RPL8: variants seen among roughly 807,000 people sequenced by gnomAD.
RPL8 encodes ribosomal protein L8, also known as large ribosomal subunit protein uL2.
For missense variants in RPL8, 248 were observed against 365.9 expected, an observed-to-expected ratio of 0.68 and a Z score of 2.63; for synonymous variants, 182 against 143.2, an observed-to-expected ratio of 1.27 and a Z score of -1.94.
chr8:144,792,221 G>T lies in RPL8; in HGVS notation c.-92C>A. 1 of 1,388,380 alleles carries T rather than the reference G, an allele frequency of 7.2e-7. No homozygotes were observed. Among genetic ancestry groups the T allele is most frequent in the Non-Finnish European group, 9.3e-7 (1 of 1,077,522 alleles). The allele number at this position is 1,388,380 out of a possible 1,614,324, so 86.0% of individuals were successfully genotyped here. ...GGCTTTCCGGGACCCCGCCCCCGAG[G>T]CCGCCGCGCCCACCACTCCCTACCC... On this transcript the variant is annotated 5_prime_UTR_variant, in exon 1 of 5. Coordinates refer to ENST00000528957, the MANE Select transcript of RPL8 (RefSeq NM_001317782.2).
In RPL8 at chr8:144,791,851, G is replaced by C; in HGVS notation, c.202C>G (p.Arg68Gly). 4 of 1,613,832 alleles carry C rather than the reference G, an allele frequency of 2.5e-6. No individual in the cohort carries two copies. Among genetic ancestry groups the C allele is most frequent in the Non-Finnish European group, 3.4e-6 (4 of 1,180,032 alleles). ...LAKVVFRDPY[R>G]FKKRTELFIA... ...AACAGCTCCGTCCGCTTCTTAAACC[G>C]ATACGGATCCCGGAAGACCACCTTG... Residue 68 changes from arginine (R) to glycine (G), a missense_variant, in exon 2 of 5, where the codon CGG (arginine) becomes GGG (glycine). Physicochemically the swap from Arg to Gly is moderately radical, Grantham distance 125. Coordinates refer to ENST00000528957, the MANE Select transcript of RPL8 (RefSeq NM_001317782.2).
At chr8:144,790,801 G>A (rs1400151752) in intron 3 of RPL8, 7 of 578,748 alleles carry the variant, frequency 1.2e-5, no homozygotes, top group Non-Finnish European at 2.3e-5. Context: ...CCCCATCTCA[G>A]CTTTACTTAT....
At chr8:144,790,699 C>G in intron 3 of RPL8, 3 of 686,782 alleles carry the variant, frequency 4.4e-6, no homozygotes, top group Non-Finnish European at 8.0e-6. Flanking sequence ...AGAATGCTGG[C>G]TGAGCTCCAA....
At chr8:144,790,308 G>T (rs1826456742) in intron 4 of RPL8, 47 bp downstream of exon 4, 12 of 1,472,100 alleles carry the variant, frequency 8.2e-6, no homozygotes, top group Non-Finnish European at 1.1e-5. Context: ...CCAACAGTGT[G>T]GCCACTGTAA....
chr8:144,791,054 CCAA>C (rs1826493603), intron 3 of RPL8: 1 of 580,524 alleles, frequency 1.7e-6, no homozygotes. Context: ...TGACTTCGTC[CCAA>C]TCTCATTTAA....
intron 3 of RPL8, chr8:144,790,725 C>T (rs1563799984): frequency 3.0e-6 from 2 of 671,646 alleles, no homozygotes; most frequent in Non-Finnish European, 5.5e-6. Context: ...GGGAAGCACC[C>T]CCCTCACCAT....
At position 144,792,377 on chromosome 8, in the gene RPL8, C is replaced by G. The variant is rs946234615; in HGVS notation, c.-248G>C. On this transcript the variant is annotated 5_prime_UTR_variant, in exon 1 of 5. Coordinates refer to ENST00000528957, the MANE Select transcript of RPL8 (RefSeq NM_001317782.2). Reference sequence around the variant, plus strand: ...CAAGGATGACCTACCTGTTCACCAGCGCGGCCGAAAGAGGAAACACGGCGT... The same window carrying G: ...CAAGGATGACCTACCTGTTCACCAGGGCGGCCGAAAGAGGAAACACGGCGT... The G allele has an allele frequency of 1.1e-5, 7 of 656,734 alleles. No individual in the cohort carries two copies. The Admixed American group carries it at 3.1e-4, about 29-fold the overall frequency. The allele number at this position is 656,734 out of a possible 1,614,324, so 40.7% of individuals were successfully genotyped here.
At chr8:144,790,315 G>C in intron 4 of RPL8, 40 bp downstream of exon 4, 1 of 1,552,196 alleles carries the variant, frequency 6.4e-7, no homozygotes, top group Non-Finnish European at 8.9e-7. Context: ...TGTGGCCACT[G>C]TAACTTCAAT....
At chr8:144,791,677 C>A in intron 2 of RPL8, 96 bp downstream of exon 2, 1 of 1,576,536 alleles carries the variant, frequency 6.3e-7, no homozygotes. Flanking sequence ...GAAGCTTCTG[C>A]CTGCGAGGTT....
chr8:144,791,945 T>G (rs370975529), intron 1 of RPL8, 31 bp from the exon 2 acceptor site: 298 of 1,610,028 alleles, frequency 1.9e-4, no homozygotes, highest in Non-Finnish European at 2.3e-4. Flanking sequence ...AGTGCGGCGT[T>G]CCGGCCGGGC....
chr8:144,790,888 C>T (rs1586750494), intron 3 of RPL8: 1 of 502,992 alleles, frequency 2.0e-6, no homozygotes, highest in East Asian at 5.2e-5. Flanking sequence ...TCCCAAACAG[C>T]ACAGTGAGTT....
At chr8:144,790,065 C>G in intron 4 of RPL8, 103 bp from the exon 5 acceptor site, 1 of 1,369,144 alleles carries the variant, frequency 7.3e-7, no homozygotes, top group Non-Finnish European at 9.8e-7. Flanking sequence ...AAGCCCCTCT[C>G]CACAGCATGT....
chr8:144,791,367 T>C lies in RPL8; in HGVS notation c.409A>G (p.Ile137Val), dbSNP rs370205432. ...ARASGNYATV[I>V]SHNPETKKTR... is the part of the protein sequence containing the mutation. ...TTCTTGGTCTCAGGGTTGTGGGAGA[T>C]AACGGTGGCATAGTTCCCTGATGCC... The change falls in exon 3 of 5, where the codon ATC becomes GTC. Residue 137 changes from isoleucine to valine, a missense_variant. By Grantham distance (29) the Ile-to-Val change is conservative (BLOSUM62 3). Transcript: ENST00000528957. 3.1e-6 allele frequency: 5 copies of C among 1,613,636 alleles called. No homozygotes were observed. Among genetic ancestry groups the C allele is most frequent in the South Asian group, 1.1e-5 (1 of 91,084 alleles).
rs1304220633 is a variant in RPL8 at position 144,792,318 on chromosome 8, G to A, written c.-189C>T. 3 of 877,424 alleles carry A rather than the reference G, an allele frequency of 3.4e-6. No homozygotes were observed. The highest frequency in any genetic ancestry group is 1.8e-5 in the African/African-American group (1 of 56,236). 54.4% of individuals were successfully genotyped at this position (877,424 alleles called of 1,614,324 possible). A position where few individuals can be genotyped will look rare whatever the true frequency, so the allele number is the denominator to read the frequency against. On this transcript the variant is annotated 5_prime_UTR_variant, in exon 1 of 5. Transcript: ENST00000528957. Reference sequence around the variant, plus strand: ...GGTCTCAGCGCGCCTCACGGAAGAGGATGGCGGCGGATACTGCCCATGCCG... The same window carrying A: ...GGTCTCAGCGCGCCTCACGGAAGAGAATGGCGGCGGATACTGCCCATGCCG...
intron 3 of RPL8, 170 bp from the exon 4 acceptor site, chr8:144,790,640 C>T: frequency 1.4e-6 from 1 of 690,294 alleles, no homozygotes; most frequent in Admixed American, 2.1e-5. Flanking sequence ...CATCCAGTTT[C>T]TTCAATCCAC....
rs555979579 is a variant in RPL8, at chr8:144,790,192, G to A, written c.615+163C>T. ...GAGGGTGAGCCCACCTCCTTCAGGA[G>A]TGCTGGAGCAGGATCAACAGTCCCG... On this transcript the variant is annotated intron_variant, in intron 4 of 4. Coordinates refer to ENST00000528957, the MANE Select transcript of RPL8 (RefSeq NM_001317782.2). Among the ~76,000 whole-genome samples the A allele has an allele frequency of 1.2e-4, 19 of 152,248 alleles. No homozygotes were observed. The South Asian group carries it at 3.7e-3, about 30-fold the overall frequency.
At position 144,790,475 on chromosome 8, in the gene RPL8, A is replaced by G. The variant is rs878970714; in HGVS notation, c.500-5T>C. 1 of 1,608,598 alleles carries G rather than the reference A, an allele frequency of 6.2e-7. No individual in the cohort carries two copies. The highest frequency in any genetic ancestry group is 1.7e-5 in the Admixed American group (1 of 59,938). ...GGCCACCTCCAGCCACCACACCTGT[A>G]GGGGATCAGATACCTCAGGGAACCC... On this transcript the variant is annotated splice_region_variant and splice_polypyrimidine_tract_variant and intron_variant, in intron 3 of 4. Transcript: ENST00000528957.
chr8:144,790,345 G>A lies in RPL8; in HGVS notation c.615+10C>T, dbSNP rs765853923. 6.2e-7 allele frequency: 1 copy of A among 1,608,334 alleles called. No individual in the cohort carries two copies. Among genetic ancestry groups the A allele is most frequent in the Non-Finnish European group, 8.5e-7 (1 of 1,174,894 alleles). Reference sequence around the variant, plus strand: ...TTCAATACCCAACCCTGCATTTCTGGGTTACTTACATTCATGGCCACACCC... The same window carrying A: ...TTCAATACCCAACCCTGCATTTCTGAGTTACTTACATTCATGGCCACACCC... On this transcript the variant is annotated intron_variant, in intron 4 of 4. Transcript: ENST00000528957.
chr8:144,791,470 G>A lies in RPL8; in HGVS notation c.306C>T (p.Leu102=). 3 of 1,613,840 alleles carry A rather than the reference G, an allele frequency of 1.9e-6. No individual in the cohort carries two copies. The highest frequency in any genetic ancestry group is 2.5e-6 in the Non-Finnish European group (3 of 1,180,018). The change falls in exon 3 of 5, where the codon CTC becomes CTT. Residue 102 remains leucine, a synonymous_variant. Transcript: ENST00000528957. ...TACCCTCAGGCATGGTGCCCACAGG[G>A]AGCACATTGCCAATGTTGAGCTGGG... ...KKAQLNIGNV[L]PVGTMPEGTI...
Sources: allele counts gnomAD v4.1 joint callset (sites outside exome capture counted in the v4.1 genomes callset), GRCh38; gene constraint gnomAD v4.1.1; transcripts MANE v1.5; gene names NCBI Gene and HGNC (gene_info 2026-07-23, HGNC 2026-07-21).